DRAM1: variants seen among roughly 807,000 people sequenced by gnomAD.
DRAM1 encodes the protein DNA damage-regulated autophagy modulator protein 1.
In DRAM1, 25 loss-of-function variants were observed where a neutral mutation model predicts 28.5. The ratio of observed to expected loss-of-function variants is 0.88; its 90% CI spans 0.64 to 1.23. DRAM1 has a LOEUF of 1.23. DRAM1 is among the 50% of genes most tolerant of loss of function. The pLI is 0.00. For missense variants in DRAM1, 249 were observed against 299.2 expected, an observed-to-expected ratio of 0.83 and a Z score of 1.24; for synonymous variants, 113 against 114.2, an observed-to-expected ratio of 0.99 and a Z score of 0.07.
intron 3 of DRAM1, among the ~76,000 whole-genome samples, chr12:101,907,155 A>G (rs1178998953): frequency 1.4e-5 from 2 of 140,934 alleles, no homozygotes; most frequent in African/African-American, 5.4e-5. Context: ...AGCTATGATC[A>G]TGCCACTGCA....
intron 3 of DRAM1, among the ~76,000 whole-genome samples, chr12:101,906,868 A>AAAAAAG (rs1873832344): frequency 6.8e-6 from 1 of 147,464 alleles, no homozygotes; most frequent in African/African-American, 2.6e-5. Context: ...AAAAAAAAAA[A>AAAAAAG]AAAAAGAAAA....
At chr12:101,884,764 A>G (rs988943447) in intron 1 of DRAM1, among the ~76,000 whole-genome samples, 8 of 152,240 alleles carry the variant, frequency 5.3e-5, no homozygotes, top group African/African-American at 1.9e-4. Context: ...GAGGAACAAA[A>G]TTGCAGAGTA....
intron 2 of DRAM1, among the ~76,000 whole-genome samples, chr12:101,901,078 GGTGTGTGT>G (rs67125604): frequency 0.033 from 4,676 of 142,990 alleles, 114 homozygotes; most frequent in African/African-American, 0.062. Context: ...ACAGCCAAGG[GGTGTGTGT>G]GTGTGTGTGT....
chr12:101,910,614 A>G (rs1874004757), intron 4 of DRAM1, among the ~76,000 whole-genome samples: 1 of 151,620 alleles, frequency 6.6e-6, no homozygotes. Flanking sequence ...AGTAGCTGGT[A>G]TTACAGGTGC....
intron 5 of DRAM1, among the ~76,000 whole-genome samples, chr12:101,916,715 G>A (rs1028247934): frequency 1.3e-5 from 2 of 152,200 alleles, no homozygotes; most frequent in African/African-American, 2.4e-5. Flanking sequence ...GAGAAGTAAA[G>A]GGATCATGGA....
At chr12:101,894,815 G>A (rs574378721) in intron 1 of DRAM1, among the ~76,000 whole-genome samples, 1 of 152,194 alleles carries the variant, frequency 6.6e-6, no homozygotes, top group Non-Finnish European at 1.5e-5. Context: ...CCACAGACAG[G>A]CAAACAACCT....
At chr12:101,891,511 G>A (rs894621050) in intron 1 of DRAM1, among the ~76,000 whole-genome samples, 8 of 152,186 alleles carry the variant, frequency 5.3e-5, no homozygotes, top group Non-Finnish European at 1.2e-4. Flanking sequence ...TTATTCACTA[G>A]CTTAACATCA....
chr12:101,916,879 C>T (rs537684744), intron 5 of DRAM1, among the ~76,000 whole-genome samples: 1 of 152,252 alleles, frequency 6.6e-6, no homozygotes, highest in East Asian at 1.9e-4. Flanking sequence ...AGCCAGTTGT[C>T]AATGGCTAAA....
chr12:101,886,867 C>T (rs113139046), intron 1 of DRAM1, among the ~76,000 whole-genome samples: 75 of 152,210 alleles, frequency 4.9e-4, no homozygotes, highest in African/African-American at 1.6e-3. Context: ...TTGGTTGGGC[C>T]GGATGCAGTG....
chr12:101,906,854 CAA>C (rs751751554), intron 3 of DRAM1, among the ~76,000 whole-genome samples: 5 of 67,484 alleles, frequency 7.4e-5, no homozygotes, highest in Admixed American at 1.9e-4. Context: ...GACTCTGCCT[CAA>C]AAAAAAAAAA....
At chr12:101,901,925 T>C (rs888501986) in intron 3 of DRAM1, among the ~76,000 whole-genome samples, 2 of 145,312 alleles carry the variant, frequency 1.4e-5, no homozygotes, top group Non-Finnish European at 3.0e-5. Flanking sequence ...AGAAATGGGG[T>C]GCACATTTGC....
intron 5 of DRAM1, among the ~76,000 whole-genome samples, chr12:101,918,351 C>T (rs1217588165): frequency 6.6e-6 from 1 of 152,196 alleles, no homozygotes; most frequent in Non-Finnish European, 1.5e-5. Context: ...CCCCAAAGTT[C>T]TGCCTTTATT....
intron 1 of DRAM1, among the ~76,000 whole-genome samples, chr12:101,880,130 C>G (rs951154037): frequency 6.6e-6 from 1 of 152,018 alleles, no homozygotes; most frequent in African/African-American, 2.4e-5. Flanking sequence ...TCACTGCAGC[C>G]TCGACCTCCT....
intron 5 of DRAM1, 99 bp downstream of exon 5, chr12:101,914,331 A>G (rs2121157559): frequency 2.6e-6 from 2 of 776,920 alleles, no homozygotes; most frequent in East Asian, 5.6e-5. Flanking sequence ...CCTTAGAACA[A>G]GTTGCAAAAT....
Sources: allele counts gnomAD v4.1 joint callset (sites outside exome capture counted in the v4.1 genomes callset), GRCh38; gene constraint gnomAD v4.1.1; transcripts MANE v1.5; gene names NCBI Gene and HGNC (gene_info 2026-07-23, HGNC 2026-07-21).